The following ATF7IP variants were observed in gnomAD, a reference collection of about 807,000 sequenced individuals.
ATF7IP encodes the protein activating transcription factor 7 interacting protein.
A neutral mutation model predicts 106.4 loss-of-function variants in ATF7IP; 23 were observed. The observed-to-expected ratio is 0.22, with a 90% CI of 0.16 to 0.31. The LOEUF is 0.31. ATF7IP is among the 10% of genes least tolerant of loss of function. ATF7IP has a pLI of 1.00. For missense variants in ATF7IP, 1,334 were observed against 1,524.3 expected (o/e 0.88, Z 2.08); for synonymous variants, 542 against 539.0 (o/e 1.01, Z -0.08).
intron 1 of ATF7IP, among the ~76,000 whole-genome samples, chr12:14,403,966 G>C (rs1483616352): frequency 1.3e-5 from 2 of 152,050 alleles, no homozygotes; most frequent in Admixed American, 1.3e-4. Flanking sequence ...TTGAAATTGA[G>C]ATTGGAAAGA....
intron 2 of ATF7IP, among the ~76,000 whole-genome samples, chr12:14,429,094 T>C (rs957397601): frequency 5.3e-5 from 8 of 152,208 alleles, no homozygotes; most frequent in African/African-American, 1.7e-4. Flanking sequence ...CTTCAAGTTA[T>C]ATTAACAAAG....
intron 1 of ATF7IP, among the ~76,000 whole-genome samples, chr12:14,369,939 ATTT>A (rs112750396): frequency 7.2e-6 from 1 of 138,584 alleles, no homozygotes. Context: ...GCATATGTTC[ATTT>A]TTTTTTTTTT....
chr12:14,490,136 A>G (rs1442379332), intron 13 of ATF7IP, among the ~76,000 whole-genome samples: 2 of 152,080 alleles, frequency 1.3e-5, no homozygotes, highest in Admixed American at 1.3e-4. Flanking sequence ...CCCAGGCATC[A>G]CCTCCATTAC....
intron 13 of ATF7IP, among the ~76,000 whole-genome samples, chr12:14,494,333 A>ATATATATATATATGTGTGTGTG (rs1234871100): frequency 1.2e-5 from 1 of 86,038 alleles, no homozygotes; most frequent in African/African-American, 4.5e-5. Flanking sequence ...ATATATATAT[A>ATATATATATATATGTGTGTGTG]TGTGTGTGTG....
At chr12:14,485,936 A>G (rs1944594025) in intron 13 of ATF7IP, among the ~76,000 whole-genome samples, 1 of 152,124 alleles carries the variant, frequency 6.6e-6, no homozygotes, top group South Asian at 2.1e-4. Context: ...TGCATCTTTC[A>G]CGTCCTTGAT....
intron 1 of ATF7IP, among the ~76,000 whole-genome samples, chr12:14,401,906 G>A (rs1345123363): frequency 1.3e-5 from 2 of 150,034 alleles, no homozygotes; most frequent in Admixed American, 1.3e-4. Context: ...TAGAGACGGG[G>A]TTTTACCTTG....
At chr12:14,473,670 G>A (rs2136780488) in intron 10 of ATF7IP, among the ~76,000 whole-genome samples, 2 of 152,006 alleles carry the variant, frequency 1.3e-5, no homozygotes, top group Non-Finnish European at 2.9e-5. Flanking sequence ...ACTGAAGAAT[G>A]TCCTTAAGCT....
intron 1 of ATF7IP, among the ~76,000 whole-genome samples, chr12:14,392,209 C>A (rs545181767): frequency 1.5e-4 from 23 of 151,716 alleles, no homozygotes; most frequent in African/African-American, 5.6e-4. Flanking sequence ...TCACAAGACT[C>A]CCTTTAGCAC....
At chr12:14,484,984 A>G (rs944013398) in intron 13 of ATF7IP, among the ~76,000 whole-genome samples, 10 of 152,132 alleles carry the variant, frequency 6.6e-5, no homozygotes, top group African/African-American at 2.4e-4. Context: ...GCTGTCTCTC[A>G]AAAGGAGAGT....
At chr12:14,484,325 C>A (rs1279694154) in intron 13 of ATF7IP, among the ~76,000 whole-genome samples, 2 of 152,106 alleles carry the variant, frequency 1.3e-5, no homozygotes, top group Non-Finnish European at 2.9e-5. Flanking sequence ...GAGTGGTGTC[C>A]ACAGAACAGG....
At chr12:14,368,643 C>T (rs569741302) in intron 1 of ATF7IP, among the ~76,000 whole-genome samples, 4 of 152,088 alleles carry the variant, frequency 2.6e-5, no homozygotes, top group South Asian at 4.1e-4. Context: ...TTATCATATT[C>T]AATACCACCA....
At chr12:14,409,828 A>G (rs1940807466) in intron 1 of ATF7IP, among the ~76,000 whole-genome samples, 1 of 152,118 alleles carries the variant, frequency 6.6e-6, no homozygotes, top group Non-Finnish European at 1.5e-5. Context: ...TGTTCTGTCC[A>G]TGTTGGAAGT....
At chr12:14,416,796 CTGAT>C in intron 1 of ATF7IP, 1 of 449,754 alleles carries the variant, frequency 2.2e-6, no homozygotes, top group South Asian at 9.3e-5. Context: ...ACACTGATGT[CTGAT>C]TGGTTTTAGA....
At chr12:14,411,070 G>A (rs960070872) in intron 1 of ATF7IP, among the ~76,000 whole-genome samples, 11 of 152,112 alleles carry the variant, frequency 7.2e-5, no homozygotes, top group Admixed American at 2.6e-4. Flanking sequence ...GCCATTATGC[G>A]TAGTGCTTCT....
At chr12:14,493,403 A>C (rs1296711257) in intron 13 of ATF7IP, among the ~76,000 whole-genome samples, 1 of 152,104 alleles carries the variant, frequency 6.6e-6, no homozygotes, top group African/African-American at 2.4e-5. Context: ...AAGCAAAGAG[A>C]GGTGTTTGGA....
intron 5 of ATF7IP, among the ~76,000 whole-genome samples, chr12:14,445,675 T>G (rs1366589005): frequency 1.3e-5 from 2 of 152,172 alleles, no homozygotes; most frequent in Non-Finnish European, 2.9e-5. Context: ...GCCATAATAT[T>G]GGACTTAAGC....
At chr12:14,487,601 A>T (rs1249501307) in intron 13 of ATF7IP, among the ~76,000 whole-genome samples, 1 of 151,978 alleles carries the variant, frequency 6.6e-6, no homozygotes, top group Non-Finnish European at 1.5e-5. Context: ...CAATACCCTC[A>T]CTTTAACTGT....
intron 1 of ATF7IP, among the ~76,000 whole-genome samples, chr12:14,368,031 GAA>G (rs1442782814): frequency 6.6e-6 from 1 of 151,980 alleles, no homozygotes; most frequent in African/African-American, 2.4e-5. Context: ...ATGTAGTTTA[GAA>G]AAGACAGGTT....
intron 9 of ATF7IP, among the ~76,000 whole-genome samples, chr12:14,464,136 A>T (rs1943740332): frequency 6.6e-6 from 1 of 152,034 alleles, no homozygotes; most frequent in South Asian, 2.1e-4. Flanking sequence ...ATATAGTGAG[A>T]CCCCCATCTG....
Sources: gnomAD v4.1 joint callset for allele counts (sites outside exome capture counted in the v4.1 genomes callset) on GRCh38, gnomAD v4.1.1 for gene constraint, MANE v1.5 for transcripts, NCBI Gene and HGNC (gene_info 2026-07-23, HGNC 2026-07-21) for gene names.